The following COL19A1 variants were observed in gnomAD, a reference collection of about 807,000 sequenced individuals.
COL19A1 encodes collagen alpha-1(XIX) chain.
A neutral mutation model predicts 190.2 loss-of-function variants in COL19A1; 159 were observed. The ratio of observed to expected loss-of-function variants is 0.84; its 90% confidence interval spans 0.73 to 0.95. The LOEUF is 0.95. COL19A1 is among the 40% of genes least tolerant of loss of function. The pLI, the probability that COL19A1 is intolerant of heterozygous loss-of-function variation, is 0.00. For synonymous variants in COL19A1, 509 were observed against 458.9 expected (o/e 1.11, Z -1.39); for missense variants, 1,418 against 1,431.9 (o/e 0.99, Z 0.16).
intron 44 of COL19A1, among the ~76,000 whole-genome samples, chr6:70,181,892 A>G (rs1035899314): frequency 1.3e-5 from 2 of 152,196 alleles, no homozygotes; most frequent in Admixed American, 1.3e-4. Context: ...ATCAAAAGGC[A>G]TGAAGTCAAG....
chr6:69,959,384 C>T (rs1295728322), intron 9 of COL19A1, among the ~76,000 whole-genome samples: 1 of 151,860 alleles, frequency 6.6e-6, no homozygotes, highest in African/African-American at 2.4e-5. Flanking sequence ...CACACACACA[C>T]ATATATATAA....
chr6:69,893,190 G>A (rs9454908), intron 2 of COL19A1, among the ~76,000 whole-genome samples: 13,892 of 152,184 alleles, frequency 0.091, 751 homozygotes, highest in East Asian at 0.2. Context: ...CTTGATATTC[G>A]TGAATGTTTC....
intron 46 of COL19A1, 47 bp downstream of exon 46, chr6:70,184,962 A>AGT: frequency 6.4e-7 from 1 of 1,563,186 alleles, no homozygotes; most frequent in East Asian, 2.2e-5. Context: ...GTCTGTTACA[A>AGT]CTGTCCCATC....
intron 49 of COL19A1, among the ~76,000 whole-genome samples, chr6:70,206,299 T>C (rs1428999982): frequency 6.6e-6 from 1 of 152,114 alleles, no homozygotes; most frequent in Non-Finnish European, 1.5e-5. Flanking sequence ...TTTATTTAGG[T>C]GTCATTTTCA....
chr6:70,069,146 G>C (rs545447164), intron 15 of COL19A1, among the ~76,000 whole-genome samples: 14 of 152,134 alleles, frequency 9.2e-5, no homozygotes, highest in African/African-American at 3.4e-4. Flanking sequence ...TTTCTCATGT[G>C]CTTATTTATG....
chr6:70,069,552 A>G (rs150519974), intron 15 of COL19A1, among the ~76,000 whole-genome samples: 1 of 152,272 alleles, frequency 6.6e-6, no homozygotes, highest in East Asian at 1.9e-4. Context: ...GACTGGATAC[A>G]TGTGGTCTTA....
At chr6:69,963,182 C>A (rs1774902617) in intron 11 of COL19A1, among the ~76,000 whole-genome samples, 1 of 152,036 alleles carries the variant, frequency 6.6e-6, no homozygotes, top group Admixed American at 6.6e-5. Context: ...CACTAAGTAT[C>A]CAATTATTTA....
chr6:70,074,086 A>G lies in COL19A1; in HGVS notation c.1224+5610A>G, dbSNP rs184046384. ...CTTATTTGTTTTTACAGGGCTTGGG[A>G]TATTTTTCAAGTGAAATTGTGCCCT... On this transcript the variant is annotated intron_variant, in intron 15 of 50. Transcript: ENST00000620364. Among the ~76,000 whole-genome samples, 25 of 152,306 alleles carry G rather than the reference A, an allele frequency of 1.6e-4. 1 individual carries two copies. In the East Asian group the frequency reaches 4.2e-3, roughly 26 times the overall value.
chr6:70,184,150 T>C (rs1766362715), intron 44 of COL19A1, among the ~76,000 whole-genome samples: 1 of 152,206 alleles, frequency 6.6e-6, no homozygotes, highest in African/African-American at 2.4e-5. Flanking sequence ...AAAATAACAA[T>C]TGTTCTCTGA....
At chr6:70,134,369 T>TAGAAAAAAACAATA (rs1279804081) in intron 18 of COL19A1, among the ~76,000 whole-genome samples, 11 of 152,088 alleles carry the variant, frequency 7.2e-5, no homozygotes, top group African/African-American at 2.7e-4. Flanking sequence ...GATACTACCA[T>TAGAAAAAAACAATA]AGAAAAAAAC....
intron 41 of COL19A1, among the ~76,000 whole-genome samples, chr6:70,173,121 G>T (rs929190399): frequency 6.6e-6 from 1 of 152,230 alleles, no homozygotes; most frequent in African/African-American, 2.4e-5. Context: ...TATGAGCAAG[G>T]CCTATTTTGA....
At chr6:69,956,172 A>G (rs1774409466) in intron 9 of COL19A1, among the ~76,000 whole-genome samples, 1 of 151,966 alleles carries the variant, frequency 6.6e-6, no homozygotes, top group Non-Finnish European at 1.5e-5. Context: ...GTTGTTAGCT[A>G]CCACTAACCA....
chr6:70,202,738 G>A (rs1767627161), intron 49 of COL19A1, among the ~76,000 whole-genome samples: 1 of 152,226 alleles, frequency 6.6e-6, no homozygotes, highest in Non-Finnish European at 1.5e-5. Flanking sequence ...GATCATGAAA[G>A]CTTGAGGATC....
Position 70,008,345 on chromosome 6 carries a change from T to C in COL19A1, c.1027-15282T>C, listed in dbSNP as rs1358725988. ...AAGAAAAAATTACCAGTAACTACAA[T>C]GAGGGAGGGGACACCACTACAGACC... On this transcript the variant is annotated intron_variant, in intron 11 of 50. Transcript: ENST00000620364. Among the ~76,000 whole-genome samples, 3 of 151,244 alleles carry C rather than the reference T, an allele frequency of 2.0e-5. No individual in the cohort carries two copies. The East Asian group carries it at 5.8e-4, about 29-fold the overall frequency.
chr6:70,065,982 C>T (rs1333930834), intron 14 of COL19A1, among the ~76,000 whole-genome samples: 1 of 152,164 alleles, frequency 6.6e-6, no homozygotes, highest in Non-Finnish European at 1.5e-5. Flanking sequence ...GAAATAGGAA[C>T]ACTTTTACAC....
intron 4 of COL19A1, among the ~76,000 whole-genome samples, chr6:69,901,163 G>A (rs992399315): frequency 6.6e-6 from 1 of 152,146 alleles, no homozygotes; most frequent in Admixed American, 6.5e-5. Context: ...AGCTTCATAT[G>A]CAACACAAAT....
chr6:69,885,463 G>A (rs1459244632), intron 2 of COL19A1, among the ~76,000 whole-genome samples: 7 of 152,206 alleles, frequency 4.6e-5, no homozygotes, highest in East Asian at 3.9e-4. Context: ...ATCACCTCAC[G>A]TAGTTACTTA....
At chr6:70,058,129 G>C (rs751925732) in intron 14 of COL19A1, among the ~76,000 whole-genome samples, 1 of 151,996 alleles carries the variant, frequency 6.6e-6, no homozygotes, top group Non-Finnish European at 1.5e-5. Context: ...AATAGCGACA[G>C]AGAACAAGTT....
chr6:70,133,136 A>G (rs1197079031), intron 18 of COL19A1, among the ~76,000 whole-genome samples: 1 of 152,178 alleles, frequency 6.6e-6, no homozygotes, highest in East Asian at 1.9e-4. Flanking sequence ...CATAATTTTG[A>G]CAAAGAAGGG....
Sources: allele counts gnomAD v4.1 joint callset (sites outside exome capture counted in the v4.1 genomes callset), GRCh38; gene constraint gnomAD v4.1.1; transcripts MANE v1.5; gene names NCBI Gene and HGNC (gene_info 2026-07-23, HGNC 2026-07-21).